Variants in DAB1 observed in about 807,000 individuals in gnomAD.
DAB1 encodes the protein DAB adaptor protein 1.
Under a neutral mutation model 64.6 loss-of-function variants are expected in DAB1, and 15 were observed. The ratio of observed to expected loss-of-function variants is 0.23; its 90% CI spans 0.16 to 0.36. DAB1 has a LOEUF of 0.36. DAB1 is among the 10% of genes least tolerant of loss of function. The probability of loss-of-function intolerance (pLI) is 1.00; values close to 1 mark genes in which losing one functional copy is unlikely to be tolerated. For missense variants in DAB1, 596 were observed against 706.7 expected, an observed-to-expected ratio of 0.84 and a Z score of 1.78; for synonymous variants, 235 against 251.9, an observed-to-expected ratio of 0.93 and a Z score of 0.64.
intron 3 of DAB1, among the ~76,000 whole-genome samples, chr1:58,418,819 G>T (rs895089132): frequency 6.6e-6 from 1 of 152,152 alleles, no homozygotes; most frequent in African/African-American, 2.4e-5. Context: ...GATATTAAGT[G>T]AGGAGGCTAA....
chr1:57,780,983 C>A lies in DAB1; in HGVS notation n.551+103016G>T, dbSNP rs980593400. Among the ~76,000 whole-genome samples the A allele has an allele frequency of 2.0e-5, 3 of 151,632 alleles. No homozygotes were observed. In the East Asian group the frequency reaches 5.8e-4, roughly 29 times the overall value. On this transcript the variant is annotated intron_variant and non_coding_transcript_variant, in intron 6 of 20. Coordinates refer to the DAB1 transcript ENST00000485760. Reference sequence around the variant, plus strand: ...CCTCAGGTGATCTACCTGCCTTGGCCTCCCAAAGTGCTGGGATTACAGGCA... The same window carrying A: ...CCTCAGGTGATCTACCTGCCTTGGCATCCCAAAGTGCTGGGATTACAGGCA...
At chr1:58,235,801 G>C (rs1187541195) in intron 4 of DAB1, among the ~76,000 whole-genome samples, 1 of 152,176 alleles carries the variant, frequency 6.6e-6, no homozygotes, top group Non-Finnish European at 1.5e-5. Context: ...CCTTATTCAG[G>C]AGACCCAGTG....
intron 6 of DAB1, among the ~76,000 whole-genome samples, chr1:57,792,702 C>A (rs963659563): frequency 6.6e-5 from 10 of 152,166 alleles, no homozygotes; most frequent in South Asian, 6.2e-4. Flanking sequence ...TAACTCCTCT[C>A]GTATCATGTT....
rs1657214968 is a variant in DAB1 at position 58,188,539 on chromosome 1, C to T, written n.310-37951G>A. Reference sequence around the variant, plus strand: ...AAGCTAAATCGTATAACCCCTAAGGCCTGTCTAATACTAAGATCCCATGTT... The same window carrying T: ...AAGCTAAATCGTATAACCCCTAAGGTCTGTCTAATACTAAGATCCCATGTT... On this transcript the variant is annotated intron_variant and non_coding_transcript_variant, in intron 4 of 20. Coordinates refer to the DAB1 transcript ENST00000485760. Among the ~76,000 whole-genome samples, 4 of 152,272 alleles carry T rather than the reference C, an allele frequency of 2.6e-5. No individual in the cohort carries two copies. In the South Asian group the frequency reaches 6.2e-4, roughly 24 times the overall value.
chr1:57,909,027 T>C (rs1270037979), intron 5 of DAB1, among the ~76,000 whole-genome samples: 1 of 152,162 alleles, frequency 6.6e-6, no homozygotes, highest in Non-Finnish European at 1.5e-5. Flanking sequence ...TTACAAGACA[T>C]CATCGAAGAG....
intron 5 of DAB1, among the ~76,000 whole-genome samples, chr1:57,932,864 A>G (rs1644973030): frequency 6.6e-6 from 1 of 152,218 alleles, no homozygotes; most frequent in African/African-American, 2.4e-5. Context: ...GACAAAATAT[A>G]GTTGGGGATT....
At chr1:58,337,897 A>G (rs1049711449) in intron 4 of DAB1, among the ~76,000 whole-genome samples, 4 of 152,144 alleles carry the variant, frequency 2.6e-5, no homozygotes, top group Non-Finnish European at 5.9e-5. Context: ...AAAGTTGTAC[A>G]GATCTCTTAC....
chr1:57,449,950 T>A (rs17115788), intron 7 of DAB1, among the ~76,000 whole-genome samples: 5,871 of 152,308 alleles, frequency 0.039, 192 homozygotes, highest in East Asian at 0.17. Flanking sequence ...GGTGATATAA[T>A]AGCTAACAAG....
chr1:57,372,013 G>A (rs1680535361), intron 1 of DAB1, among the ~76,000 whole-genome samples: 1 of 152,148 alleles, frequency 6.6e-6, no homozygotes, highest in Non-Finnish European at 1.5e-5. Context: ...TAAAGCATCA[G>A]GTCAAACTTT....
intron 6 of DAB1, among the ~76,000 whole-genome samples, chr1:57,776,782 T>C (rs940959816): frequency 3.3e-5 from 5 of 151,834 alleles, no homozygotes; most frequent in South Asian, 2.1e-4. Flanking sequence ...CTTCTACATA[T>C]GTTGCAAACT....
intron 5 of DAB1, among the ~76,000 whole-genome samples, chr1:58,126,729 A>G (rs1288350587): frequency 4.0e-5 from 6 of 150,934 alleles, no homozygotes; most frequent in Admixed American, 2.0e-4. Context: ...TGTTCTTGCG[A>G]TAGTTTACTG....
chr1:57,057,795 A>C (rs994383579), intron 9 of DAB1, among the ~76,000 whole-genome samples: 1 of 150,846 alleles, frequency 6.6e-6, no homozygotes, highest in Non-Finnish European at 1.5e-5. Context: ...TTTTTAGTAG[A>C]GACGGGGTTT....
chr1:58,178,680 T>G (rs1439175622), intron 4 of DAB1, among the ~76,000 whole-genome samples: 1 of 152,196 alleles, frequency 6.6e-6, no homozygotes, highest in African/African-American at 2.4e-5. Context: ...GAAAATATCT[T>G]TTTTTCAAGA....
intron 1 of DAB1, among the ~76,000 whole-genome samples, chr1:57,407,492 A>T (rs1558326595): frequency 6.6e-6 from 1 of 152,180 alleles, no homozygotes; most frequent in South Asian, 2.1e-4. Context: ...GTCTGAAGAT[A>T]AAGGCTGAAG....
chr1:58,128,734 G>A (rs1444863411), intron 5 of DAB1, among the ~76,000 whole-genome samples: 1 of 116,220 alleles, frequency 8.6e-6, no homozygotes, highest in African/African-American at 3.5e-5. Context: ...TTTGTCTTTG[G>A]CTCTGTTTAT....
chr1:58,329,282 C>T (rs1662917270), intron 4 of DAB1, among the ~76,000 whole-genome samples: 1 of 152,162 alleles, frequency 6.6e-6, no homozygotes, highest in Admixed American at 6.5e-5. Context: ...TTGATATATG[C>T]ATTCTGATTT....
chr1:57,600,274 T>C (rs140356819), intron 7 of DAB1, among the ~76,000 whole-genome samples: 8 of 152,074 alleles, frequency 5.3e-5, no homozygotes, highest in African/African-American at 1.9e-4. Flanking sequence ...TGGTACAGAG[T>C]AGGAACTCAA....
At chr1:57,924,905 C>T (rs1250630398) in intron 5 of DAB1, among the ~76,000 whole-genome samples, 2 of 152,046 alleles carry the variant, frequency 1.3e-5, no homozygotes, top group East Asian at 3.9e-4. Flanking sequence ...CAGTAAATGC[C>T]AATAATTATT....
At chr1:57,195,963 TATAG>T (rs1664589716) in intron 2 of DAB1, among the ~76,000 whole-genome samples, 3 of 152,148 alleles carry the variant, frequency 2.0e-5, no homozygotes, top group African/African-American at 7.2e-5. Context: ...TGTATGAATT[TATAG>T]ATAAATTGTG....
Sources: allele counts gnomAD v4.1 joint callset (sites outside exome capture counted in the v4.1 genomes callset), GRCh38; gene constraint gnomAD v4.1.1; transcripts MANE v1.5; gene names NCBI Gene and HGNC (gene_info 2026-07-23, HGNC 2026-07-21).